PCDHGA4: variants seen among roughly 807,000 people sequenced by gnomAD.
The protein encoded by PCDHGA4 is protocadherin gamma subfamily A, 4, also known as protocadherin gamma-A4.
A neutral mutation model predicts 54.6 loss-of-function variants in PCDHGA4; 38 were observed. The ratio of observed to expected loss-of-function variants is 0.70; its 90% CI spans 0.54 to 0.91. PCDHGA4 has a LOEUF of 0.91. Ranked by LOEUF, PCDHGA4 falls within the 40% of genes least tolerant of loss-of-function variation. The pLI is 0.00. For synonymous variants in PCDHGA4, 511 were observed against 512.9 expected (o/e 1.00, Z 0.05); for missense variants, 1,298 against 1,220.9 (o/e 1.06, Z -0.94).
intron 1 of PCDHGA4, among the ~76,000 whole-genome samples, chr5:141,368,789 T>C (rs1765858310): frequency 6.6e-6 from 1 of 152,196 alleles, no homozygotes; most frequent in East Asian, 1.9e-4. Context: ...TGAAGAATAA[T>C]TTTTCATACT....
At position 141,357,179 on chromosome 5, in the gene PCDHGA4, T is replaced by A; in HGVS notation, c.2072T>A (p.Leu691His). Residue 691 changes from leucine (L) to histidine (H), a missense_variant, in exon 1 of 4, where the codon CTC becomes CAC. Coordinates refer to ENST00000571252, the MANE Select transcript of PCDHGA4 (RefSeq NM_018917.4). ...CCCCCTCTCTCGGCCACCGTCACAC[T>A]CACTGTGGCTGTGGCCGACAGCATC... ...GQPPLSATVT[L>H]TVAVADSIPD... The A allele has an allele frequency of 6.2e-7, 1 of 1,613,702 alleles. No homozygotes were observed. Among genetic ancestry groups the A allele is most frequent in the Non-Finnish European group, 8.5e-7 (1 of 1,179,860 alleles).
chr5:141,372,277 C>A, intron 1 of PCDHGA4: 1 of 1,613,112 alleles, frequency 6.2e-7, no homozygotes. Flanking sequence ...GAGGTGCGCA[C>A]GGCGCGTACC....
At position 141,419,268 on chromosome 5, in the gene PCDHGA4, C is replaced by T. The variant is rs1240259934; in HGVS notation, c.2514+61647C>T. 6.2e-6 allele frequency: 10 copies of T among 1,614,050 alleles called. No homozygotes were observed. The East Asian group carries it at 2.2e-4, about 36-fold the overall frequency. ...CCAGAAAACAACCAGCCGGGTGCCT[C>T]CATAGCGCAAGTCAGTGCCTCTGAC... is the stretch of plus-strand genomic sequence containing the variant. On this transcript the variant is annotated intron_variant, in intron 1 of 3. Transcript: ENST00000571252.
chr5:141,397,205 AAG>A (rs896486095), intron 1 of PCDHGA4, among the ~76,000 whole-genome samples: 76 of 152,336 alleles, frequency 5.0e-4, no homozygotes, highest in African/African-American at 1.8e-3. Context: ...GATATGACAT[AAG>A]AGAAGTATTT....
chr5:141,486,987 G>C lies in PCDHGA4; in HGVS notation c.2515-7820G>C, dbSNP rs1327158531. ...GACTTGGATTCAGGTTACAATGCTTGGGTTTCCTATCAGCTCCTGGAGGCC... is the reference window on the plus strand; with the variant it reads ...GACTTGGATTCAGGTTACAATGCTTCGGTTTCCTATCAGCTCCTGGAGGCC... On this transcript the variant is annotated intron_variant, in intron 1 of 3. Transcript: ENST00000571252. The surrounding 1 kb of genome is among the most constrained non-coding windows in gnomAD (Gnocchi z 5.0). The C allele has an allele frequency of 6.2e-7, 1 of 1,614,144 alleles. No homozygotes were observed. Among genetic ancestry groups the C allele is most frequent in the Admixed American group, 1.7e-5 (1 of 60,020 alleles).
At chr5:141,433,641 G>C (rs1177387884) in intron 1 of PCDHGA4, among the ~76,000 whole-genome samples, 1 of 152,104 alleles carries the variant, frequency 6.6e-6, no homozygotes, top group Admixed American at 6.5e-5. Flanking sequence ...TTTGAGACCA[G>C]CCTGACCAAC....
intron 1 of PCDHGA4, chr5:141,418,952 G>T: frequency 1.9e-6 from 3 of 1,614,050 alleles, no homozygotes; most frequent in Non-Finnish European, 2.5e-6. Context: ...TCCAGGAGTG[G>T]TTGTTGCCCT....
At chr5:141,451,832 G>A (rs1190124133) in intron 1 of PCDHGA4, among the ~76,000 whole-genome samples, 1 of 150,948 alleles carries the variant, frequency 6.6e-6, no homozygotes, top group Non-Finnish European at 1.5e-5. Context: ...AGTGAGCCGA[G>A]ATCACACCAC....
chr5:141,466,401 T>A (rs2099122186), intron 1 of PCDHGA4, among the ~76,000 whole-genome samples: 1 of 152,210 alleles, frequency 6.6e-6, no homozygotes, highest in Non-Finnish European at 1.5e-5. Flanking sequence ...TTTGCTCAAC[T>A]TTAATTTTTC....
intron 1 of PCDHGA4, 115 bp from the exon 2 acceptor site, chr5:141,494,692 C>G: frequency 6.3e-7 from 1 of 1,581,934 alleles, no homozygotes; most frequent in South Asian, 1.1e-5. Context: ...CCTCTTAGTC[C>G]GTTTTCTTCT....
intron 1 of PCDHGA4, among the ~76,000 whole-genome samples, chr5:141,464,049 G>C (rs1330340459): frequency 6.6e-6 from 1 of 152,124 alleles, no homozygotes; most frequent in Admixed American, 6.5e-5. Context: ...TGGATCACCT[G>C]AGGTCAGGAG....
chr5:141,410,847 G>GTATTTTTTT, intron 1 of PCDHGA4: 1 of 158,252 alleles, frequency 6.3e-6, no homozygotes, highest in African/African-American at 8.4e-5. Context: ...TTTTGTCTTT[G>GTATTTTTTT]TCTTTTTTTT....
chr5:141,481,913 CAAAAAAAA>C (rs34114744), intron 1 of PCDHGA4, among the ~76,000 whole-genome samples: 1 of 90,852 alleles, frequency 1.1e-5, no homozygotes, highest in African/African-American at 4.2e-5. Flanking sequence ...AACTCCATCT[CAAAAAAAA>C]AAAAAAAAAA....
Position 141,486,000 on chromosome 5 carries a change from A to G in PCDHGA4, c.2515-8807A>G. 1 of 1,614,194 alleles carries G rather than the reference A, an allele frequency of 6.2e-7. No individual in the cohort carries two copies. Among genetic ancestry groups the G allele is most frequent in the Non-Finnish European group, 8.5e-7 (1 of 1,180,034 alleles). On this transcript the variant is annotated intron_variant, in intron 1 of 3. Transcript: ENST00000571252. The surrounding 1 kb of genome is among the most constrained non-coding windows in gnomAD (Gnocchi z 5.7). ...GACCCGGACCTGGGTCCCAGTGGTA[A>G]CGTCACCTTTTATTTCAGTGGTCAT...
intron 1 of PCDHGA4, chr5:141,409,921 G>C (rs767370997): frequency 2.7e-5 from 44 of 1,613,404 alleles, no homozygotes; most frequent in Non-Finnish European, 3.7e-5. Context: ...ACGGCTCCGC[G>C]TTCTTCGATA....
rs543179504 is a variant in PCDHGA4, at chr5:141,381,358, A to G, written c.2514+23737A>G. ...AGCTTTCTTTTCTTTCTGCTAGCAG[A>G]GGGTAGCCTCGGATCCATCAATAAT... is the stretch of plus-strand genomic sequence containing the variant. On this transcript the variant is annotated intron_variant, in intron 1 of 3. Coordinates refer to ENST00000571252, the MANE Select transcript of PCDHGA4 (RefSeq NM_018917.4). Among the ~76,000 whole-genome samples the G allele has an allele frequency of 4.6e-5, 7 of 152,330 alleles. No individual in the cohort carries two copies. In the South Asian group the frequency reaches 1.4e-3, roughly 32 times the overall value.
At chr5:141,383,574 C>CG in intron 1 of PCDHGA4, 1 of 1,613,366 alleles carries the variant, frequency 6.2e-7, no homozygotes, top group African/African-American at 1.3e-5. Flanking sequence ...GATCCAGCAC[C>CG]GCCCACATCC....
intron 1 of PCDHGA4, among the ~76,000 whole-genome samples, chr5:141,368,185 A>G (rs77366155): frequency 0.033 from 4,989 of 152,312 alleles, 94 homozygotes; most frequent in African/African-American, 0.059. Flanking sequence ...ATGACTAAAT[A>G]AGGGGAAAAG....
At chr5:141,433,298 A>G in intron 1 of PCDHGA4, 7 of 1,015,894 alleles carry the variant, frequency 6.9e-6, no homozygotes, top group Non-Finnish European at 1.0e-5. Context: ...GGCTCAAGCA[A>G]TTATCCCACC....
Sources: gnomAD v4.1 joint callset for allele counts (sites outside exome capture counted in the v4.1 genomes callset) on GRCh38, gnomAD v4.1.1 for gene constraint, Gnocchi (gnomAD v3.1) non-coding constraint, MANE v1.5 for transcripts, NCBI Gene and HGNC (gene_info 2026-07-23, HGNC 2026-07-21) for gene names.